Variants in LRP2 observed in about 807,000 individuals in gnomAD.
LRP2 encodes low-density lipoprotein receptor-related protein 2.
A neutral mutation model predicts 531.0 loss-of-function variants in LRP2; 172 were observed. The ratio of observed to expected loss-of-function variants is 0.32; its 90% CI spans 0.29 to 0.37. The LOEUF is 0.37. LRP2 is among the 10% of genes least tolerant of loss of function. The probability of loss-of-function intolerance (pLI) is 1.00; values close to 1 mark genes in which losing one functional copy is unlikely to be tolerated. For synonymous variants in LRP2, 1,992 were observed against 2,027.6 expected (o/e 0.98, Z 0.47); for missense variants, 5,167 against 5,868.3 (o/e 0.88, Z 3.90).
chr2:169,328,397 C>G (rs1434714869), intron 1 of LRP2, among the ~76,000 whole-genome samples: 1 of 132,770 alleles, frequency 7.5e-6, no homozygotes, highest in Admixed American at 9.0e-5. Context: ...GCCACCACCT[C>G]GTCTGGGAGG....
At chr2:169,317,742 A>G (rs1684802429) in intron 3 of LRP2, among the ~76,000 whole-genome samples, 1 of 152,224 alleles carries the variant, frequency 6.6e-6, no homozygotes, top group South Asian at 2.1e-4. Context: ...AATTGCTCAT[A>G]GGTCGCCATC....
intron 49 of LRP2, among the ~76,000 whole-genome samples, chr2:169,186,876 A>G (rs1687652531): frequency 1.3e-5 from 2 of 152,248 alleles, no homozygotes; most frequent in Non-Finnish European, 2.9e-5. Flanking sequence ...GGCAAAATTA[A>G]TTAAAATGCA....
intron 4 of LRP2, among the ~76,000 whole-genome samples, chr2:169,299,086 GGAAAGAAAGAAAGAAAGAAAGAAA>G (rs767873350): frequency 0.069 from 1,752 of 25,238 alleles, 31 homozygotes; most frequent in African/African-American, 0.1. Context: ...AAAGAAAGAA[GGAAAGAAAGAAAGAAAGAAAGAAA>G]GAAAGAAAGA....
At chr2:169,240,691 A>G in intron 25 of LRP2, 3 of 562,308 alleles carry the variant, frequency 5.3e-6, no homozygotes, top group Non-Finnish European at 9.4e-6. Context: ...TGAGCACATT[A>G]CCAACAGAAC....
chr2:169,322,816 C>T lies in LRP2; in HGVS notation c.80-1932G>A, dbSNP rs79271535. On this transcript the variant is annotated intron_variant, in intron 1 of 78. Transcript: ENST00000649046. ...TCATAAAGAACAGTCCTCTTACAGA[C>T]AGTTTCATATTGCTATGGAGAAAAG... Among the ~76,000 whole-genome samples, 1,286 of 152,196 alleles carry T rather than the reference C, an allele frequency of 8.4e-3. 13 individuals carry two copies. Among genetic ancestry groups the T allele is most frequent in the African/African-American group, 0.028 (1,179 of 41,532 alleles).
intron 1 of LRP2, among the ~76,000 whole-genome samples, chr2:169,354,094 G>T (rs958061388): frequency 1.2e-4 from 19 of 152,066 alleles, no homozygotes; most frequent in African/African-American, 4.3e-4. Context: ...CAAAGAACTG[G>T]GCCCAAAGTG....
intron 1 of LRP2, among the ~76,000 whole-genome samples, chr2:169,327,188 G>A (rs1308886124): frequency 1.4e-5 from 2 of 138,542 alleles, no homozygotes; most frequent in Non-Finnish European, 3.1e-5. Flanking sequence ...GAGGTGGGGG[G>A]GTCAGCCCCC....
intron 72 of LRP2, among the ~76,000 whole-genome samples, chr2:169,140,239 T>C (rs1157831630): frequency 6.6e-6 from 1 of 151,714 alleles, no homozygotes; most frequent in Non-Finnish European, 1.5e-5. Flanking sequence ...GAATGGGCAC[T>C]TGAACCAGAT....
In LRP2 at chr2:169,246,960, G is replaced by A. The variant is rs1052241641; in HGVS notation, c.2935C>T (p.His979Tyr). The A allele has an allele frequency of 2.5e-6, 4 of 1,614,206 alleles. No homozygotes were observed. The highest frequency in any genetic ancestry group is 3.4e-6 in the Non-Finnish European group (4 of 1,180,044). Residue 979 changes from histidine to tyrosine, a missense_variant, in exon 21 of 79, where the codon CAT becomes TAT. By Grantham distance (83) the His-to-Tyr change is moderately conservative. Coordinates refer to ENST00000649046, the MANE Select transcript of LRP2 (RefSeq NM_004525.3). Reference sequence around the variant, plus strand: ...AAGTGGCTGCAGTCACCGTTAGGATGCGTGGGTTGATTACAGGCGTTAGAA... The same window carrying A: ...AAGTGGCTGCAGTCACCGTTAGGATACGTGGGTTGATTACAGGCGTTAGAA... ...TGSNACNQPT[H>Y]PNGDCSHFCF...
intron 1 of LRP2, among the ~76,000 whole-genome samples, chr2:169,356,904 T>C (rs1391104736): frequency 6.6e-6 from 1 of 152,238 alleles, no homozygotes; most frequent in Non-Finnish European, 1.5e-5. Context: ...CCATTTTAAT[T>C]GCGAGATATG....
intron 49 of LRP2, among the ~76,000 whole-genome samples, chr2:169,186,647 C>T (rs1043620487): frequency 6.6e-6 from 1 of 152,310 alleles, no homozygotes. Context: ...TCCACTAGTT[C>T]ACTGTGCACC....
intron 1 of LRP2, among the ~76,000 whole-genome samples, chr2:169,327,913 GC>G (rs1378645539): frequency 1.1e-5 from 1 of 91,592 alleles, no homozygotes; most frequent in Non-Finnish European, 2.2e-5. Flanking sequence ...CCGGCCAGCC[GC>G]CCCGTCCAGG....
chr2:169,336,536 T>TCACACA lies in LRP2; in HGVS notation c.80-15658_80-15653dup, dbSNP rs61573424. Among the ~76,000 whole-genome samples, 651 of 146,060 alleles carry TCACACA rather than the reference T, an allele frequency of 4.5e-3. 4 individuals are homozygous for TCACACA. The highest frequency in any genetic ancestry group is 0.012 in the African/African-American group (495 of 39,704). On this transcript the variant is annotated intron_variant, in intron 1 of 78. Transcript: ENST00000649046. ...GCCTGGGTGACAGAGCAAGACTCCA[T>TCACACA]CACACACACACACACACACACACAC...
intron 15 of LRP2, chr2:169,271,634 C>G (rs1259992991): frequency 6.5e-6 from 3 of 459,822 alleles, no homozygotes; most frequent in Non-Finnish European, 8.5e-6. Flanking sequence ...CACACACACA[C>G]ACACACACAC....
At chr2:169,258,498 T>C (rs1574188333) in intron 17 of LRP2, among the ~76,000 whole-genome samples, 1 of 152,110 alleles carries the variant, frequency 6.6e-6, no homozygotes, top group Admixed American at 6.6e-5. Context: ...TAAACATATT[T>C]AAATAAGAAA....
At chr2:169,286,775 T>C (rs1221508120) in intron 9 of LRP2, among the ~76,000 whole-genome samples, 1 of 152,206 alleles carries the variant, frequency 6.6e-6, no homozygotes, top group East Asian at 1.9e-4. Context: ...AAGGACTTCA[T>C]GGCCTATCAA....
intron 76 of LRP2, among the ~76,000 whole-genome samples, chr2:169,133,662 C>T (rs1049596412): frequency 6.6e-6 from 1 of 152,148 alleles, no homozygotes; most frequent in Non-Finnish European, 1.5e-5. Context: ...AAAGGAGATA[C>T]ATGTTCGCAG....
At chr2:169,140,372 T>C (rs932473763) in intron 72 of LRP2, 83 bp downstream of exon 72, 2 of 1,069,628 alleles carry the variant, frequency 1.9e-6, no homozygotes, top group Non-Finnish European at 2.9e-6. Flanking sequence ...GGTTCCTGTA[T>C]TTGTTTTCCT....
chr2:169,293,519 C>T (rs942075432), intron 6 of LRP2, among the ~76,000 whole-genome samples: 7 of 151,996 alleles, frequency 4.6e-5, no homozygotes, highest in Non-Finnish European at 8.8e-5. Context: ...CTACTAAAAA[C>T]ACAAAATTAG....
Sources: allele counts gnomAD v4.1 joint callset (sites outside exome capture counted in the v4.1 genomes callset), GRCh38; gene constraint gnomAD v4.1.1; transcripts MANE v1.5; gene names NCBI Gene and HGNC (gene_info 2026-07-23, HGNC 2026-07-21).